Variants in NELL2 observed in about 807,000 individuals in gnomAD.
NELL2 encodes the protein neural EGFL like 2.
A neutral mutation model predicts 109.6 loss-of-function variants in NELL2; 41 were observed. The observed-to-expected ratio is 0.37, with a 90% CI of 0.29 to 0.49. The LOEUF is 0.49. NELL2 is among the 20% of genes least tolerant of loss of function. The probability of loss-of-function intolerance (pLI) is 0.98; values close to 1 mark genes in which losing one functional copy is unlikely to be tolerated. For synonymous variants in NELL2, 355 were observed against 344.7 expected (o/e 1.03, Z -0.33); for missense variants, 900 against 1,008.3 (o/e 0.89, Z 1.45).
chr12:44,863,562 T>C (rs1048013449), intron 2 of NELL2, among the ~76,000 whole-genome samples: 1 of 151,920 alleles, frequency 6.6e-6, no homozygotes, highest in Non-Finnish European at 1.5e-5. Flanking sequence ...CCAGCAAACA[T>C]TCCCTTCAAC....
chr12:44,902,629 A>G (rs1372965436), intron 1 of NELL2, among the ~76,000 whole-genome samples: 1 of 152,222 alleles, frequency 6.6e-6, no homozygotes, highest in Non-Finnish European at 1.5e-5. Context: ...AGCTGGAGGT[A>G]TCAAGCTACC....
chr12:44,628,117 G>T (rs1256953500), intron 13 of NELL2, among the ~76,000 whole-genome samples: 2 of 151,106 alleles, frequency 1.3e-5, no homozygotes, highest in African/African-American at 4.9e-5. Context: ...GAGAAAAGAG[G>T]GCTAATATGT....
chr12:44,537,527 T>A (rs1322939047), intron 15 of NELL2, among the ~76,000 whole-genome samples: 1 of 152,100 alleles, frequency 6.6e-6, no homozygotes, highest in Non-Finnish European at 1.5e-5. Context: ...CTATTTATCA[T>A]TAATAAAAAT....
At chr12:44,745,560 T>C (rs1940291918) in intron 9 of NELL2, among the ~76,000 whole-genome samples, 1 of 152,180 alleles carries the variant, frequency 6.6e-6, no homozygotes, top group Admixed American at 6.5e-5. Flanking sequence ...CCCAATCGTC[T>C]CAGCCCAAAA....
intron 15 of NELL2, among the ~76,000 whole-genome samples, chr12:44,588,664 C>T (rs539093019): frequency 1.3e-4 from 20 of 152,256 alleles, no homozygotes; most frequent in African/African-American, 4.8e-4. Flanking sequence ...CATTTATATG[C>T]TTTCTTTCTT....
Position 44,563,041 on chromosome 12 carries a change from T to C in NELL2, c.1664-30320A>G, listed in dbSNP as rs1283141841. ...GGGACATGGATAAAGCTGGAAACCA[T>C]CATTCTCAGCAAACTAACACAGGAA... On this transcript the variant is annotated intron_variant, in intron 15 of 19. Transcript: ENST00000429094. Among the ~76,000 whole-genome samples, 3 of 152,074 alleles carry C rather than the reference T, an allele frequency of 2.0e-5. No homozygotes were observed. The South Asian group carries it at 6.2e-4, about 32-fold the overall frequency.
chr12:44,667,734 C>T (rs1947974750), intron 12 of NELL2, among the ~76,000 whole-genome samples: 1 of 152,148 alleles, frequency 6.6e-6, no homozygotes, highest in South Asian at 2.1e-4. Flanking sequence ...ACCTCTGAGG[C>T]ATGGGAGAGA....
At chr12:44,646,612 A>T (rs1174534379) in intron 13 of NELL2, among the ~76,000 whole-genome samples, 1 of 152,202 alleles carries the variant, frequency 6.6e-6, no homozygotes, top group Admixed American at 6.5e-5. Flanking sequence ...ACTGTACTCA[A>T]CCATTTTTGG....
At chr12:44,748,118 T>G (rs894369501) in intron 9 of NELL2, among the ~76,000 whole-genome samples, 1 of 152,196 alleles carries the variant, frequency 6.6e-6, no homozygotes, top group African/African-American at 2.4e-5. Context: ...TTAGCTGCAC[T>G]TAGTGCCTGC....
intron 1 of NELL2, among the ~76,000 whole-genome samples, chr12:44,894,235 T>C (rs1945568324): frequency 6.6e-6 from 1 of 152,236 alleles, no homozygotes; most frequent in South Asian, 2.1e-4. Context: ...ATATCAATAG[T>C]TGAGCTTGTT....
chr12:44,803,435 A>G (rs1942898227), intron 3 of NELL2, among the ~76,000 whole-genome samples: 1 of 151,998 alleles, frequency 6.6e-6, no homozygotes, highest in Non-Finnish European at 1.5e-5. Flanking sequence ...TATACACTAG[A>G]GTATTTAAAG....
At chr12:44,838,866 C>T (rs946144112) in intron 2 of NELL2, among the ~76,000 whole-genome samples, 2 of 152,162 alleles carry the variant, frequency 1.3e-5, no homozygotes, top group Admixed American at 6.5e-5. Context: ...TTTCAATATG[C>T]AGACCATCAG....
At chr12:44,594,442 A>G (rs2136229768) in intron 15 of NELL2, among the ~76,000 whole-genome samples, 1 of 152,288 alleles carries the variant, frequency 6.6e-6, no homozygotes, top group African/African-American at 2.4e-5. Context: ...TGTCAAGAAA[A>G]CCAGAGAAAA....
intron 3 of NELL2, among the ~76,000 whole-genome samples, chr12:44,802,438 T>C (rs1942863062): frequency 6.6e-6 from 1 of 151,842 alleles, no homozygotes; most frequent in Non-Finnish European, 1.5e-5. Flanking sequence ...ATACCTCTAA[T>C]ATATCATATA....
At chr12:44,885,280 G>GA (rs1170456770) in intron 1 of NELL2, among the ~76,000 whole-genome samples, 5 of 149,930 alleles carry the variant, frequency 3.3e-5, no homozygotes, top group South Asian at 2.1e-4. Flanking sequence ...TTATGTTTCA[G>GA]AAAAAAAAAT....
chr12:44,661,684 G>A (rs929716843), intron 13 of NELL2, among the ~76,000 whole-genome samples: 12 of 152,038 alleles, frequency 7.9e-5, no homozygotes, highest in Admixed American at 2.6e-4. Flanking sequence ...TAATGCTTAC[G>A]TGAGTGAACC....
intron 12 of NELL2, among the ~76,000 whole-genome samples, chr12:44,701,439 A>T (rs1949225863): frequency 6.6e-6 from 1 of 152,142 alleles, no homozygotes; most frequent in Non-Finnish European, 1.5e-5. Context: ...CACAGATTTT[A>T]TCCAGAACAC....
At chr12:44,659,727 G>C (rs958181228) in intron 13 of NELL2, among the ~76,000 whole-genome samples, 6 of 152,172 alleles carry the variant, frequency 3.9e-5, no homozygotes, top group Admixed American at 3.3e-4. Context: ...GCTATAAAAA[G>C]TTAAGTACTT....
At chr12:44,846,941 G>A (rs990360512) in intron 2 of NELL2, among the ~76,000 whole-genome samples, 1 of 152,164 alleles carries the variant, frequency 6.6e-6, no homozygotes, top group Non-Finnish European at 1.5e-5. Context: ...ATAATGTTCC[G>A]AAGCCAGTGT....
Sources: allele counts gnomAD v4.1 joint callset (sites outside exome capture counted in the v4.1 genomes callset), GRCh38; gene constraint gnomAD v4.1.1; transcripts MANE v1.5; gene names NCBI Gene and HGNC (gene_info 2026-07-23, HGNC 2026-07-21).